Variants in ZNF90 observed in about 807,000 individuals in gnomAD.
ZNF90 encodes zinc finger protein HTF9.
A neutral mutation model predicts 12.0 loss-of-function variants in ZNF90; 11 were observed. The ratio of observed to expected loss-of-function variants is 0.92; its 90% CI spans 0.58 to 1.52. The LOEUF (loss-of-function observed/expected upper bound fraction) is 1.52, where lower values mean the gene tolerates loss of function less well. Among genes scored for constraint, ZNF90 ranks in the 40% most tolerant of loss-of-function variants. The probability of loss-of-function intolerance (pLI) is 0.00; values close to 1 mark genes in which losing one functional copy is unlikely to be tolerated. For missense variants in ZNF90, 765 were observed against 711.5 expected (o/e 1.08, Z -0.86); for synonymous variants, 232 against 240.1 (o/e 0.97, Z 0.31).
At chr19:20,096,170 G>A (rs1324270086) in intron 1 of ZNF90, among the ~76,000 whole-genome samples, 2 of 152,158 alleles carry the variant, frequency 1.3e-5, no homozygotes, top group African/African-American at 2.4e-5. Flanking sequence ...GGAGAAGAGA[G>A]TAAAAAGAGG....
At chr19:20,092,091 G>C (rs1339966794) in intron 1 of ZNF90, among the ~76,000 whole-genome samples, 1 of 152,162 alleles carries the variant, frequency 6.6e-6, no homozygotes, top group South Asian at 2.1e-4. Context: ...TGAGGGTCAG[G>C]TGTGGTATCC....
chr19:20,080,156 C>T, intron 1 of ZNF90: 1 of 431,634 alleles, frequency 2.3e-6, no homozygotes, highest in Non-Finnish European at 4.5e-6. Context: ...GCAAGAATTG[C>T]AGGTCAGCAA....
At chr19:20,106,827 T>A in intron 3 of ZNF90, 1 of 451,336 alleles carries the variant, frequency 2.2e-6, no homozygotes, top group East Asian at 7.0e-5. Flanking sequence ...GCCCTCTGAA[T>A]TGATAGTGAA....
At chr19:20,089,189 G>A (rs568445637) in intron 1 of ZNF90, among the ~76,000 whole-genome samples, 15 of 152,308 alleles carry the variant, frequency 9.8e-5, no homozygotes, top group African/African-American at 3.4e-4. Flanking sequence ...TAACTGCATA[G>A]AGGGGGAGTT....
Position 20,093,040 on chromosome 19 carries a change from C to T in ZNF90, c.4-11199C>T, listed in dbSNP as rs1437318244. Among the ~76,000 whole-genome samples the T allele has an allele frequency of 2.0e-5, 3 of 152,064 alleles. No individual in the cohort carries two copies. In the East Asian group the frequency reaches 5.8e-4, roughly 29 times the overall value. ...GGGACTGATGGGTGTCAGGGTCAGT[C>T]CAGGTGAAAGCAAAGAGAGGCTGGG... On this transcript the variant is annotated intron_variant, in intron 1 of 3. Transcript: ENST00000418063.
intron 1 of ZNF90, among the ~76,000 whole-genome samples, chr19:20,098,011 T>C (rs1263561434): frequency 6.6e-6 from 1 of 152,240 alleles, no homozygotes; most frequent in Non-Finnish European, 1.5e-5. Context: ...CTAATCAAAG[T>C]GTAGATTTCA....
In ZNF90 at chr19:20,089,564, G is replaced by A. The variant is rs113801541; in HGVS notation, c.3+11429G>A. Among the ~76,000 whole-genome samples, 635 of 152,248 alleles carry A rather than the reference G, an allele frequency of 4.2e-3. 6 individuals carry two copies. The highest frequency in any genetic ancestry group is 0.015 in the African/African-American group (608 of 41,540). ...TCTTTGCGGAGAGATACATAAAGGAGTGGCCACTGGAATAGTAATTTGTGT... is the reference window on the plus strand; with the variant it reads ...TCTTTGCGGAGAGATACATAAAGGAATGGCCACTGGAATAGTAATTTGTGT... On this transcript the variant is annotated intron_variant, in intron 1 of 3. Transcript: ENST00000418063.
chr19:20,112,291 G>C (rs2089096684), intron 3 of ZNF90, among the ~76,000 whole-genome samples: 1 of 148,488 alleles, frequency 6.7e-6, no homozygotes, highest in South Asian at 2.1e-4. Flanking sequence ...GAGCAGTGAA[G>C]GGCAGTGGGC....
At chr19:20,083,155 C>A (rs112110339) in intron 1 of ZNF90, among the ~76,000 whole-genome samples, 1 of 147,326 alleles carries the variant, frequency 6.8e-6, no homozygotes, top group Non-Finnish European at 1.5e-5. Context: ...AGACTGGTGC[C>A]GGTGCCGGTC....
At chr19:20,115,622 T>C (rs2089130738) in intron 3 of ZNF90, among the ~76,000 whole-genome samples, 1 of 152,012 alleles carries the variant, frequency 6.6e-6, no homozygotes, top group South Asian at 2.1e-4. Context: ...AATGCTCTTA[T>C]ATGTGAATTT....
chr19:20,090,204 C>T (rs1460766058), intron 1 of ZNF90, among the ~76,000 whole-genome samples: 17 of 151,980 alleles, frequency 1.1e-4, no homozygotes, highest in African/African-American at 3.9e-4. Context: ...GGAGTATGAC[C>T]GGACAGAAGA....
At position 20,121,040 on chromosome 19, in the gene ZNF90, A is replaced by G. The variant is rs948852497; in HGVS notation, c.*1680A>G. 1 of 160,744 alleles carries G rather than the reference A, an allele frequency of 6.2e-6. No homozygotes were observed. The highest frequency in any genetic ancestry group is 2.4e-5 in the African/African-American group (1 of 41,616). The allele number at this position is 160,744 out of a possible 1,614,324, so 10.0% of individuals were successfully genotyped here. ...TTTGACCTATATTAAGTAATGTATA[A>G]GGTAGTGTTCAGAGTAATACTTTTC... On this transcript the variant is annotated 3_prime_UTR_variant, in exon 4 of 4. Transcript: ENST00000418063.
chr19:20,080,744 G>C (rs1343120836), intron 1 of ZNF90, among the ~76,000 whole-genome samples: 1 of 152,188 alleles, frequency 6.6e-6, no homozygotes, highest in African/African-American at 2.4e-5. Context: ...CATGGGGTTT[G>C]TGACTGGCAT....
intron 3 of ZNF90, among the ~76,000 whole-genome samples, chr19:20,117,013 T>TTGTGTGTGTG (rs371655051): frequency 0.034 from 4,336 of 128,390 alleles, 255 homozygotes; most frequent in African/African-American, 0.13. Context: ...CAACTTACAT[T>TTGTGTGTGTG]TGTGTGTGTG....
At chr19:20,114,170 A>C (rs1284515128) in intron 3 of ZNF90, among the ~76,000 whole-genome samples, 2 of 152,020 alleles carry the variant, frequency 1.3e-5, no homozygotes, top group African/African-American at 4.8e-5. Flanking sequence ...ATGCACCTGT[A>C]ATGCCAGCTA....
chr19:20,110,444 G>A (rs1369283678), intron 3 of ZNF90, among the ~76,000 whole-genome samples: 2 of 151,856 alleles, frequency 1.3e-5, no homozygotes, highest in African/African-American at 2.4e-5. Context: ...ATGCCTAGCT[G>A]ATTTTTTGTA....
chr19:20,096,821 C>A (rs836910), intron 1 of ZNF90, among the ~76,000 whole-genome samples: 92,763 of 152,028 alleles, frequency 0.61, 28,629 homozygotes, highest in East Asian at 0.81. Flanking sequence ...GCTGTAGCCC[C>A]CTGCCAGAGT....
chr19:20,088,176 A>G (rs2088874715), intron 1 of ZNF90, among the ~76,000 whole-genome samples: 2 of 151,488 alleles, frequency 1.3e-5, no homozygotes, highest in East Asian at 1.9e-4. Context: ...AAAACAAAAT[A>G]GTGTTGAAGT....
intron 1 of ZNF90, among the ~76,000 whole-genome samples, chr19:20,102,169 C>T (rs1229849739): frequency 1.3e-5 from 2 of 152,172 alleles, no homozygotes; most frequent in Non-Finnish European, 2.9e-5. Flanking sequence ...TCAGTATGTT[C>T]ATCTTTCCTG....
Sources: gnomAD v4.1 joint callset for allele counts (sites outside exome capture counted in the v4.1 genomes callset) on GRCh38, gnomAD v4.1.1 for gene constraint, MANE v1.5 for transcripts, NCBI Gene and HGNC (gene_info 2026-07-23, HGNC 2026-07-21) for gene names.